Variants in GPHN observed in about 807,000 individuals in gnomAD.
GPHN encodes the protein gephyrin.
In GPHN, 17 loss-of-function variants were observed where a neutral mutation model predicts 95.5. The ratio of observed to expected loss-of-function variants is 0.18; its 90% CI spans 0.12 to 0.27. The LOEUF (loss-of-function observed/expected upper bound fraction) is 0.27, where lower values mean the gene tolerates loss of function less well. Among genes scored for constraint, GPHN ranks in the 10% least tolerant of loss-of-function variants. The pLI, the probability that GPHN is intolerant of heterozygous loss-of-function variation, is 1.00. For missense variants in GPHN, 660 were observed against 978.1 expected, an observed-to-expected ratio of 0.67 and a Z score of 4.34; for synonymous variants, 320 against 322.5, an observed-to-expected ratio of 0.99 and a Z score of 0.08.
chr14:66,554,673 C>T (rs2140212465), intron 1 of GPHN, among the ~76,000 whole-genome samples: 1 of 152,278 alleles, frequency 6.6e-6, no homozygotes, highest in Middle Eastern at 3.4e-3. Flanking sequence ...GATTACAATT[C>T]AAGATGAGAC....
chr14:67,476,361 T>C, the GPHN span, among the ~76,000 whole-genome samples: 5 of 151,914 alleles, frequency 3.3e-5, no homozygotes, highest in South Asian at 1.0e-3. Context: ...CTGAGGCGGG[T>C]GGATCACCTG....
chr14:67,222,566 A>G, the GPHN span, among the ~76,000 whole-genome samples: 32,686 of 151,996 alleles, frequency 0.22, 5,372 homozygotes, highest in East Asian at 0.45. Flanking sequence ...GTGAGCCACC[A>G]CCCTGGACCT....
chr14:66,871,759 C>A (rs1298125436), intron 4 of GPHN, among the ~76,000 whole-genome samples: 1 of 151,886 alleles, frequency 6.6e-6, no homozygotes, highest in Non-Finnish European at 1.5e-5. Flanking sequence ...AAACAACACA[C>A]ACTGGGGCCT....
At chr14:66,820,766 C>G (rs987659317) in intron 3 of GPHN, among the ~76,000 whole-genome samples, 1 of 152,062 alleles carries the variant, frequency 6.6e-6, no homozygotes, top group Non-Finnish European at 1.5e-5. Flanking sequence ...CCTTAACCAT[C>G]CAGCTTTTGA....
chr14:66,516,646 T>C (rs2058258614), intron 1 of GPHN, among the ~76,000 whole-genome samples: 1 of 152,252 alleles, frequency 6.6e-6, no homozygotes, highest in African/African-American at 2.4e-5. Flanking sequence ...TAAATGTGTC[T>C]GCCTGATGCT....
At chr14:67,397,847 C>A in the GPHN span, 1 of 1,592,722 alleles carries the variant, frequency 6.3e-7, no homozygotes, top group Non-Finnish European at 8.6e-7. Flanking sequence ...ACAAGAAAGC[C>A]CTGAGGTGAG....
At chr14:66,995,146 A>C (rs1299669641) in intron 9 of GPHN, among the ~76,000 whole-genome samples, 1 of 152,184 alleles carries the variant, frequency 6.6e-6, no homozygotes, top group African/African-American at 2.4e-5. Flanking sequence ...TAACAACTTC[A>C]TCTTACATGG....
chr14:67,233,111 T>TTTTTA, the GPHN span, among the ~76,000 whole-genome samples: 5,617 of 144,456 alleles, frequency 0.039, 140 homozygotes, highest in African/African-American at 0.053. Context: ...CACCAACACA[T>TTTTTA]TTTTATTTTA....
At chr14:66,660,278 A>G (rs967630638) in intron 1 of GPHN, among the ~76,000 whole-genome samples, 1 of 152,160 alleles carries the variant, frequency 6.6e-6, no homozygotes, top group Non-Finnish European at 1.5e-5. Context: ...TTCCTGAAAT[A>G]TTTTGTACAT....
intron 21 of GPHN, among the ~76,000 whole-genome samples, chr14:67,177,572 G>A (rs1178153530): frequency 6.6e-6 from 1 of 152,186 alleles, no homozygotes; most frequent in African/African-American, 2.4e-5. Flanking sequence ...GGGGTGGAGA[G>A]TTCTGTAGAT....
At chr14:67,504,020 T>G in the GPHN span, among the ~76,000 whole-genome samples, 1 of 143,872 alleles carries the variant, frequency 7.0e-6, no homozygotes, top group African/African-American at 2.6e-5. Context: ...AATTTTTATT[T>G]TTATTATTTT....
At chr14:67,563,823 T>A in the GPHN span, among the ~76,000 whole-genome samples, 1 of 142,662 alleles carries the variant, frequency 7.0e-6, no homozygotes, top group African/African-American at 2.6e-5. Context: ...AACCTCCGCC[T>A]CCCAGGTTCA....
intron 20 of GPHN, among the ~76,000 whole-genome samples, chr14:67,167,473 C>T (rs1595464226): frequency 1.3e-5 from 2 of 152,120 alleles, no homozygotes; most frequent in Non-Finnish European, 2.9e-5. Flanking sequence ...ATTCTGTGGG[C>T]AACTCATTTT....
chr14:67,044,195 G>A (rs997910584), intron 10 of GPHN, among the ~76,000 whole-genome samples: 18 of 152,018 alleles, frequency 1.2e-4, no homozygotes, highest in African/African-American at 4.4e-4. Flanking sequence ...CAATTAGCCA[G>A]GCATGGTGAC....
chr14:67,432,656 T>C, the GPHN span, among the ~76,000 whole-genome samples: 2 of 152,188 alleles, frequency 1.3e-5, no homozygotes, highest in African/African-American at 4.8e-5. Context: ...GGGGCTGAAA[T>C]AAACAGAAAT....
At chr14:66,861,747 A>G (rs887727856) in intron 4 of GPHN, among the ~76,000 whole-genome samples, 2 of 152,106 alleles carry the variant, frequency 1.3e-5, no homozygotes, top group Admixed American at 6.6e-5. Context: ...TGAATGATCA[A>G]TGGGTCAATG....
At chr14:67,560,559 T>C in the GPHN span, among the ~76,000 whole-genome samples, 1 of 152,134 alleles carries the variant, frequency 6.6e-6, no homozygotes, top group African/African-American at 2.4e-5. Flanking sequence ...GTAACCTCTA[T>C]TCCACCTTCC....
chr14:66,757,789 T>C (rs756548356), intron 2 of GPHN, among the ~76,000 whole-genome samples: 1 of 152,204 alleles, frequency 6.6e-6, no homozygotes, highest in African/African-American at 2.4e-5. Context: ...ATTATAGTTA[T>C]TTTTACCATG....
the GPHN span, among the ~76,000 whole-genome samples, chr14:67,193,302 A>ATCTCTATATAGACATCTATC: frequency 7.7e-6 from 1 of 129,962 alleles, no homozygotes; most frequent in African/African-American, 2.8e-5. Context: ...ATCTATCTAT[A>ATCTCTATATAGACATCTATC]TATCTCTATA....
Sources: gnomAD v4.1 joint callset for allele counts (sites outside exome capture counted in the v4.1 genomes callset) on GRCh38, gnomAD v4.1.1 for gene constraint, MANE v1.5 for transcripts, NCBI Gene and HGNC (gene_info 2026-07-23, HGNC 2026-07-21) for gene names.